PPFIA2: variants seen among roughly 807,000 people sequenced by gnomAD.
PPFIA2 encodes the protein liprin-alpha-2.
Under a neutral mutation model 175.5 loss-of-function variants are expected in PPFIA2, and 46 were observed. That is an observed-to-expected ratio of 0.26 (90% CI 0.21 to 0.34). The LOEUF is 0.34. PPFIA2 is among the 10% of genes least tolerant of loss of function. The probability of loss-of-function intolerance (pLI) is 1.00; values close to 1 mark genes in which losing one functional copy is unlikely to be tolerated. For missense variants in PPFIA2, 1,179 were observed against 1,506.1 expected (o/e 0.78, Z 3.60); for synonymous variants, 568 against 511.4 (o/e 1.11, Z -1.49).
intron 6 of PPFIA2, 34 bp from the exon 7 acceptor site, chr12:81,440,080 A>G (rs368298240): frequency 4.6e-4 from 670 of 1,443,346 alleles, no homozygotes; most frequent in Non-Finnish European, 6.0e-4. Flanking sequence ...GCAGTAATGT[A>G]CATCCCATAC....
At chr12:81,677,649 C>A (rs1435302821) in intron 3 of PPFIA2, among the ~76,000 whole-genome samples, 1 of 151,778 alleles carries the variant, frequency 6.6e-6, no homozygotes, top group Admixed American at 6.6e-5. Flanking sequence ...CCAGGATCAT[C>A]CATGCTGTTG....
intron 3 of PPFIA2, among the ~76,000 whole-genome samples, chr12:81,715,921 T>A (rs997167059): frequency 2.6e-5 from 4 of 151,600 alleles, no homozygotes; most frequent in African/African-American, 4.8e-5. Flanking sequence ...ACAATTTTTT[T>A]AAATTTTAAC....
chr12:81,646,645 C>T (rs192499146), intron 4 of PPFIA2, among the ~76,000 whole-genome samples: 3 of 152,258 alleles, frequency 2.0e-5, no homozygotes, highest in East Asian at 1.9e-4. Flanking sequence ...ATAACATAGG[C>T]GCAGTCCATA....
chr12:81,561,038 T>C (rs949680859), intron 4 of PPFIA2, among the ~76,000 whole-genome samples: 1 of 152,166 alleles, frequency 6.6e-6, no homozygotes, highest in Non-Finnish European at 1.5e-5. Flanking sequence ...TATTTATATA[T>C]AATCTTAGCT....
chr12:81,410,863 A>G (rs1234298142), intron 7 of PPFIA2, among the ~76,000 whole-genome samples: 3 of 152,098 alleles, frequency 2.0e-5, no homozygotes, highest in Non-Finnish European at 4.4e-5. Context: ...ACTCTTTGCC[A>G]TTAATTCCTA....
At chr12:81,419,717 T>A (rs2045922225) in intron 7 of PPFIA2, among the ~76,000 whole-genome samples, 1 of 152,130 alleles carries the variant, frequency 6.6e-6, no homozygotes, top group Admixed American at 6.6e-5. Context: ...ATATTCAAGT[T>A]TGAGAAGGAA....
chr12:81,719,106 T>C (rs2079011457), intron 3 of PPFIA2, among the ~76,000 whole-genome samples: 2 of 151,646 alleles, frequency 1.3e-5, no homozygotes, highest in Admixed American at 6.6e-5. Context: ...AAAAATAACA[T>C]TGCATATGAA....
At position 81,304,592 on chromosome 12, in the gene PPFIA2, G is replaced by A. The variant is rs117392370; in HGVS notation, c.2643-5210C>T. Among the ~76,000 whole-genome samples the A allele has an allele frequency of 3.3e-5, 5 of 152,284 alleles. No homozygotes were observed. The East Asian group carries it at 9.7e-4, about 29-fold the overall frequency. ...GTAGAAACATGTACGTTGAAAAGTGGCAGGGAGTAGGGGTATGGTGGGAAT... is the reference window on the plus strand; with the variant it reads ...GTAGAAACATGTACGTTGAAAAGTGACAGGGAGTAGGGGTATGGTGGGAAT... On this transcript the variant is annotated intron_variant, in intron 22 of 32. Coordinates refer to ENST00000549396, the MANE Select transcript of PPFIA2 (RefSeq NM_003625.5).
intron 3 of PPFIA2, among the ~76,000 whole-genome samples, chr12:81,684,147 C>G (rs2074098021): frequency 6.6e-6 from 1 of 152,116 alleles, no homozygotes; most frequent in Non-Finnish European, 1.5e-5. Flanking sequence ...ATTTAACTCA[C>G]CCACTTCATT....
intron 4 of PPFIA2, among the ~76,000 whole-genome samples, chr12:81,494,297 A>C (rs2059777814): frequency 6.6e-6 from 1 of 152,122 alleles, no homozygotes; most frequent in African/African-American, 2.4e-5. Context: ...ATGAACAGAC[A>C]CTTCTCAAAA....
At chr12:81,295,815 A>C (rs61934707) in intron 23 of PPFIA2, among the ~76,000 whole-genome samples, 1 of 151,736 alleles carries the variant, frequency 6.6e-6, no homozygotes, top group Non-Finnish European at 1.5e-5. Flanking sequence ...ACTTGGTGAA[A>C]CATCATAATA....
intron 21 of PPFIA2, among the ~76,000 whole-genome samples, chr12:81,329,808 G>T (rs1169749497): frequency 2.6e-5 from 4 of 152,172 alleles, no homozygotes; most frequent in African/African-American, 9.7e-5. Context: ...CTTCCCTTCT[G>T]GTCCCAGTGT....
Position 81,692,123 on chromosome 12 carries a change from C to CACAT in PPFIA2, c.250-15280_250-15279insATGT, listed in dbSNP as rs567973768. Reference sequence around the variant, plus strand: ...ACACAAACACAGACACACACACACACACACACACACAAAACCTGTCTGGGG... The same window carrying CACAT: ...ACACAAACACAGACACACACACACACACATACACACACACAAAACCTGTCTGGGG... On this transcript the variant is annotated intron_variant, in intron 3 of 32. Transcript: ENST00000549396. Among the ~76,000 whole-genome samples the CACAT allele has an allele frequency of 6.1e-3, 919 of 151,734 alleles. 11 individuals carry two copies. The highest frequency in any genetic ancestry group is 0.021 in the African/African-American group (870 of 41,350).
chr12:81,734,050 C>A (rs1326617907), intron 3 of PPFIA2, among the ~76,000 whole-genome samples: 5 of 151,746 alleles, frequency 3.3e-5, no homozygotes, highest in Admixed American at 3.3e-4. Flanking sequence ...CACAGGAATG[C>A]AGAAGATAAT....
intron 4 of PPFIA2, among the ~76,000 whole-genome samples, chr12:81,491,276 C>T (rs2059390729): frequency 6.6e-6 from 1 of 151,482 alleles, no homozygotes. Flanking sequence ...ACTTTCAAAC[C>T]TTCTTATATT....
chr12:81,670,953 T>C (rs1450377425), intron 4 of PPFIA2, among the ~76,000 whole-genome samples: 1 of 151,948 alleles, frequency 6.6e-6, no homozygotes, highest in African/African-American at 2.4e-5. Context: ...CTGAACTCTC[T>C]CATCTTATAA....
chr12:81,703,316 T>A (rs987672340), intron 3 of PPFIA2, among the ~76,000 whole-genome samples: 1 of 152,028 alleles, frequency 6.6e-6, no homozygotes, highest in Admixed American at 6.6e-5. Context: ...CAGCCCCAAT[T>A]TTTTCTCCTT....
At chr12:81,282,292 C>A (rs2042253139) in intron 26 of PPFIA2, among the ~76,000 whole-genome samples, 1 of 151,970 alleles carries the variant, frequency 6.6e-6, no homozygotes, top group Non-Finnish European at 1.5e-5. Context: ...TCTAACTGTT[C>A]CTCTTCTTTT....
Position 81,369,100 on chromosome 12 carries a change from A to C in PPFIA2, c.1350+11T>G, listed in dbSNP as rs750268480. ...CAATGATTGGGGGGTAATAGTTCTT[A>C]ATATACATACTCTTTGAAGTTCTTG... is the stretch of plus-strand genomic sequence containing the variant. On this transcript the variant is annotated intron_variant, in intron 12 of 32. Coordinates refer to ENST00000549396, the MANE Select transcript of PPFIA2 (RefSeq NM_003625.5). 6.3e-7 allele frequency: 1 copy of C among 1,577,084 alleles called. No homozygotes were observed. Among genetic ancestry groups the C allele is most frequent in the Admixed American group, 1.7e-5 (1 of 58,804 alleles).
Sources: allele counts gnomAD v4.1 joint callset (sites outside exome capture counted in the v4.1 genomes callset), GRCh38; gene constraint gnomAD v4.1.1; transcripts MANE v1.5; gene names NCBI Gene and HGNC (gene_info 2026-07-23, HGNC 2026-07-21).